Variants in GNPDA2 observed in about 807,000 individuals in gnomAD.
The protein encoded by GNPDA2 is glcN6P deaminase 2.
Under a neutral mutation model 27.0 loss-of-function variants are expected in GNPDA2, and 24 were observed. The ratio of observed to expected loss-of-function variants is 0.89; its 90% CI spans 0.64 to 1.25. GNPDA2 has a LOEUF of 1.25. Among genes scored for constraint, GNPDA2 ranks in the 50% most tolerant of loss-of-function variants. The probability of loss-of-function intolerance (pLI) is 0.00; values close to 1 mark genes in which losing one functional copy is unlikely to be tolerated. For synonymous variants in GNPDA2, 94 were observed against 108.4 expected (o/e 0.87, Z 0.83); for missense variants, 286 against 335.1 (o/e 0.85, Z 1.14).
intron 2 of GNPDA2, among the ~76,000 whole-genome samples, chr4:44,719,627 T>A (rs1399759900): frequency 6.6e-6 from 1 of 152,072 alleles, no homozygotes; most frequent in Non-Finnish European, 1.5e-5. Flanking sequence ...TCCCTCTTCC[T>A]TTCTCGAAGG....
At position 44,705,652 on chromosome 4, in the gene GNPDA2, T is replaced by C. The variant is rs978526891; in HGVS notation, c.769+2100A>G. On this transcript the variant is annotated intron_variant, in intron 6 of 6. Transcript: ENST00000295448. ...TATGGGAAAAAAGCAGATGGAAATA[T>C]GGTTTTGATGTAGATGGTATCATAC... 12 of 172,452 alleles carry C rather than the reference T, an allele frequency of 7.0e-5. No individual in the cohort carries two copies. The South Asian group carries it at 9.6e-4, about 14-fold the overall frequency. The allele number at this position is 172,452 out of a possible 1,614,324, so 10.7% of individuals were successfully genotyped here.
chr4:44,703,398 A>G, intron 6 of GNPDA2: 2 of 1,198,712 alleles, frequency 1.7e-6, no homozygotes, highest in Non-Finnish European at 2.1e-6. Context: ...AGTAACCAGA[A>G]GAGCATTTCT....
intron 6 of GNPDA2, chr4:44,703,388 A>G: frequency 1.6e-6 from 2 of 1,214,054 alleles, no homozygotes. Flanking sequence ...GTACTTTGGG[A>G]GTAACCAGAA....
Position 44,702,687 on chromosome 4 carries a change from T to C in GNPDA2, c.*394A>G. The stretch of plus-strand genomic sequence containing the variant: ...TTCCAAAAGTGAAGGTCTGCAATGA[T>C]AGTTTGTTATCTGAAAGGTTTGGAG... On this transcript the variant is annotated 3_prime_UTR_variant, in exon 7 of 7. Coordinates refer to ENST00000295448, the MANE Select transcript of GNPDA2 (RefSeq NM_138335.3). 9.7e-7 allele frequency: 1 copy of C among 1,032,336 alleles called. No homozygotes were observed. Among genetic ancestry groups the C allele is most frequent in the Non-Finnish European group, 1.2e-6 (1 of 861,356 alleles). 63.9% of individuals were successfully genotyped at this position (1,032,336 alleles called of 1,614,324 possible).
chr4:44,717,211 G>T lies in GNPDA2; in HGVS notation c.311C>A (p.Ala104Glu). The T allele has an allele frequency of 6.3e-7, 1 of 1,596,466 alleles. No individual in the cohort carries two copies. The highest frequency in any genetic ancestry group is 8.6e-7 in the Non-Finnish European group (1 of 1,166,068). The change falls in exon 4 of 7, where the codon GCA becomes GAA. Residue 104 changes from alanine to glutamate, a missense_variant. Ala to Glu is a moderately radical substitution (Grantham distance 107). Transcript: ENST00000295448. Reference protein sequence around the residue: ...FKHIDIDPNNAHILDGNAADL... With the variant: ...FKHIDIDPNNEHILDGNAADL... ...TGCAGCATTCCCGTCAAGGATATGTGCATTATTAGGATCTATATCGATATG... is the reference window on the plus strand; with the variant it reads ...TGCAGCATTCCCGTCAAGGATATGTTCATTATTAGGATCTATATCGATATG...
intron 2 of GNPDA2, among the ~76,000 whole-genome samples, chr4:44,721,252 AAC>A (rs1169619917): frequency 6.6e-6 from 1 of 152,164 alleles, no homozygotes. Context: ...GTTTAAATAA[AAC>A]ACACGGGAAC....
rs1332406145 is a variant in GNPDA2 at position 44,721,097 on chromosome 4, T to G, written c.124+987A>C. Among the ~76,000 whole-genome samples the G allele has an allele frequency of 1.3e-5, 2 of 151,486 alleles. 1 individual carries two copies. Among genetic ancestry groups the G allele is most frequent in the Admixed American group, 1.3e-4 (2 of 15,210 alleles). Reference sequence around the variant, plus strand: ...TTTTGCCATTCTCACCAAGATCTACTGCCCTGGACCAAAAGAGAAAAAGCA... The same window carrying G: ...TTTTGCCATTCTCACCAAGATCTACGGCCCTGGACCAAAAGAGAAAAAGCA... On this transcript the variant is annotated intron_variant, in intron 2 of 6. Coordinates refer to ENST00000295448, the MANE Select transcript of GNPDA2 (RefSeq NM_138335.3).
intron 4 of GNPDA2, among the ~76,000 whole-genome samples, chr4:44,716,277 A>C (rs1465403594): frequency 1.3e-5 from 2 of 151,946 alleles, no homozygotes; most frequent in African/African-American, 4.8e-5. Flanking sequence ...TTGAAGATCA[A>C]ATTCATGTAA....
At position 44,702,003 on chromosome 4, in the gene GNPDA2, T is replaced by G. The variant is rs987034131; in HGVS notation, c.*1078A>C. ...CAAAATAAGCAAAAGGAGCATTTTT[T>G]TGCTCCCCACAGAGGCAAAGACATC... On this transcript the variant is annotated 3_prime_UTR_variant, in exon 7 of 7. Coordinates refer to ENST00000295448, the MANE Select transcript of GNPDA2 (RefSeq NM_138335.3). 2.4e-5 allele frequency: 24 copies of G among 985,278 alleles called. No homozygotes were observed. Among genetic ancestry groups the G allele is most frequent in the Non-Finnish European group, 2.9e-5 (24 of 829,730 alleles). The allele number at this position is 985,278 out of a possible 1,614,324, so 61.0% of individuals were successfully genotyped here.
rs1025346033 is a variant in GNPDA2 at position 44,702,199 on chromosome 4, T to C, written c.*882A>G. 3 of 798,916 alleles carry C rather than the reference T, an allele frequency of 3.8e-6. No individual in the cohort carries two copies. Among genetic ancestry groups the C allele is most frequent in the Admixed American group, 6.3e-5 (1 of 15,994 alleles). The allele number at this position is 798,916 out of a possible 1,614,324, so 49.5% of individuals were successfully genotyped here. On this transcript the variant is annotated 3_prime_UTR_variant, in exon 7 of 7. Coordinates refer to ENST00000295448, the MANE Select transcript of GNPDA2 (RefSeq NM_138335.3). ...TTTGAGTTAAAGATAAAAAACAATA[T>C]ACTTTTATGTAAATTGCTATGGCAA...
At chr4:44,715,664 G>A (rs757305790) in intron 4 of GNPDA2, among the ~76,000 whole-genome samples, 21 of 151,948 alleles carry the variant, frequency 1.4e-4, no homozygotes, top group Non-Finnish European at 1.0e-4. Flanking sequence ...TGAGTCATAC[G>A]TACAAAGCAG....
intron 5 of GNPDA2, among the ~76,000 whole-genome samples, chr4:44,709,402 T>C (rs957503031): frequency 6.6e-6 from 1 of 152,158 alleles, no homozygotes; most frequent in African/African-American, 2.4e-5. Context: ...AGATTATTTC[T>C]CATATCATGG....
chr4:44,722,103 A>G lies in GNPDA2; in HGVS notation c.105T>C (p.Phe35=), dbSNP rs1159090108. 6.2e-7 allele frequency: 1 copy of G among 1,610,974 alleles called. No homozygotes were observed. The highest frequency in any genetic ancestry group is 2.2e-5 in the East Asian group (1 of 44,782). The part of the protein sequence containing the change: ...IQFKPGQDRY[F]TLGLPTGSTP... ...AATTACCTGTTGGTAAACCCAGTGTAAAATATCTGTCCTGTCCAGGTTTGA... is the reference window on the plus strand; with the variant it reads ...AATTACCTGTTGGTAAACCCAGTGTGAAATATCTGTCCTGTCCAGGTTTGA... Residue 35 remains phenylalanine, a synonymous_variant, in exon 2 of 7, where the codon TTT becomes TTC. Coordinates refer to ENST00000295448, the MANE Select transcript of GNPDA2 (RefSeq NM_138335.3).
rs750413187 is a variant in GNPDA2 at position 44,707,960 on chromosome 4, G to A, written c.595-34C>T. Reference sequence around the variant, plus strand: ...TTATGAACATCAATTGTTAAAACTTGTTCCAAATGAGTAAGAAGCTCTATT... The same window carrying A: ...TTATGAACATCAATTGTTAAAACTTATTCCAAATGAGTAAGAAGCTCTATT... On this transcript the variant is annotated intron_variant, in intron 5 of 6. Coordinates refer to ENST00000295448, the MANE Select transcript of GNPDA2 (RefSeq NM_138335.3). 6 of 1,443,514 alleles carry A rather than the reference G, an allele frequency of 4.2e-6. No individual in the cohort carries two copies. In the South Asian group the frequency reaches 4.4e-5, roughly 10 times the overall value. 89.4% of individuals were successfully genotyped at this position (1,443,514 alleles called of 1,614,324 possible). A position where few individuals can be genotyped will look rare whatever the true frequency, so the allele number is the denominator to read the frequency against.
chr4:44,724,006 T>C (rs899788394), intron 1 of GNPDA2, among the ~76,000 whole-genome samples: 4 of 152,166 alleles, frequency 2.6e-5, no homozygotes, highest in Admixed American at 1.3e-4. Flanking sequence ...TCCAAGGCAC[T>C]TTCCCCTTCC....
At chr4:44,711,842 A>G (rs1018819018) in intron 4 of GNPDA2, among the ~76,000 whole-genome samples, 3 of 148,974 alleles carry the variant, frequency 2.0e-5, no homozygotes, top group African/African-American at 7.4e-5. Flanking sequence ...CATATACAAC[A>G]CAAACATATA....
At chr4:44,721,312 C>T (rs909030676) in intron 2 of GNPDA2, among the ~76,000 whole-genome samples, 1 of 152,150 alleles carries the variant, frequency 6.6e-6, no homozygotes, top group Non-Finnish European at 1.5e-5. Context: ...CATACACTAT[C>T]TTAGCTGAAT....
rs549388166 is a variant in GNPDA2, at chr4:44,716,398, T to C, written c.409+715A>G. Reference sequence around the variant, plus strand: ...CTGGCAAAAAATTTTGATTTTAGTTTAGTTGATGTTGAACTATTCTTATAG... The same window carrying C: ...CTGGCAAAAAATTTTGATTTTAGTTCAGTTGATGTTGAACTATTCTTATAG... On this transcript the variant is annotated intron_variant, in intron 4 of 6. Coordinates refer to ENST00000295448, the MANE Select transcript of GNPDA2 (RefSeq NM_138335.3). 2.0e-5 allele frequency among the ~76,000 whole-genome samples: 3 copies of C among 152,072 alleles called. No individual in the cohort carries two copies. In the East Asian group the frequency reaches 5.8e-4, roughly 29 times the overall value.
chr4:44,703,915 T>C, intron 6 of GNPDA2: 1 of 985,030 alleles, frequency 1.0e-6, no homozygotes, highest in Non-Finnish European at 1.2e-6. Context: ...ATTTTATATT[T>C]TGGAGGGTAA....
Sources: allele counts gnomAD v4.1 joint callset (sites outside exome capture counted in the v4.1 genomes callset), GRCh38; gene constraint gnomAD v4.1.1; transcripts MANE v1.5; gene names NCBI Gene and HGNC (gene_info 2026-07-23, HGNC 2026-07-21).